The following ARHGEF10L variants were observed in gnomAD, a reference collection of about 807,000 sequenced individuals.
The protein encoded by ARHGEF10L is Rho guanine nucleotide exchange factor 10 like.
ARHGEF10L carries 69 observed loss-of-function variants against 141.2 expected under a neutral mutation model. That is an observed-to-expected ratio of 0.49 (90% CI 0.40 to 0.60). The LOEUF is 0.60. Ranked by LOEUF, ARHGEF10L falls within the 20% of genes least tolerant of loss-of-function variation. The pLI, the probability that ARHGEF10L is intolerant of heterozygous loss-of-function variation, is 0.00. For missense variants in ARHGEF10L, 1,482 were observed against 1,734.3 expected, an observed-to-expected ratio of 0.85 and a Z score of 2.58; for synonymous variants, 711 against 718.5, an observed-to-expected ratio of 0.99 and a Z score of 0.17.
At chr1:17,664,158 T>C (rs978085516) in intron 25 of ARHGEF10L, among the ~76,000 whole-genome samples, 2 of 150,798 alleles carry the variant, frequency 1.3e-5, no homozygotes, top group African/African-American at 4.9e-5. Flanking sequence ...AATGAATGAA[T>C]GGGAGAGAGG....
chr1:17,594,556 C>T (rs2079894744), intron 4 of ARHGEF10L, among the ~76,000 whole-genome samples: 1 of 152,182 alleles, frequency 6.6e-6, no homozygotes, highest in African/African-American at 2.4e-5. Context: ...TGGCTCACTC[C>T]AACCTCTGCT....
chr1:17,515,809 A>C, the ARHGEF10L span, among the ~76,000 whole-genome samples: 1 of 151,982 alleles, frequency 6.6e-6, no homozygotes, highest in African/African-American at 2.4e-5. Flanking sequence ...TGCCTGGCTA[A>C]CTTTTGCACT....
chr1:17,567,362 A>G (rs1452579001), intron 1 of ARHGEF10L, among the ~76,000 whole-genome samples: 1 of 152,054 alleles, frequency 6.6e-6, no homozygotes, highest in African/African-American at 2.4e-5. Flanking sequence ...TGCTGTCCCT[A>G]AATTGAGCAG....
intron 6 of ARHGEF10L, among the ~76,000 whole-genome samples, chr1:17,606,820 C>T (rs540717579): frequency 2.0e-5 from 3 of 152,274 alleles, no homozygotes; most frequent in Admixed American, 2.0e-4. Flanking sequence ...GGGCTGGGAC[C>T]CTGTGTTCCG....
chr1:17,586,006 G>C (rs1288743101), intron 2 of ARHGEF10L, among the ~76,000 whole-genome samples: 2 of 152,222 alleles, frequency 1.3e-5, no homozygotes, highest in African/African-American at 4.8e-5. Flanking sequence ...CCTCCAGGGG[G>C]ACATATGGCA....
intron 26 of ARHGEF10L, among the ~76,000 whole-genome samples, chr1:17,678,641 A>T (rs1461447757): frequency 6.6e-6 from 1 of 151,704 alleles, no homozygotes; most frequent in African/African-American, 2.4e-5. Flanking sequence ...CTGGTTTTGA[A>T]CCCCTGACCT....
chr1:17,565,299 A>C (rs1319185644), intron 1 of ARHGEF10L, among the ~76,000 whole-genome samples: 1 of 152,198 alleles, frequency 6.6e-6, no homozygotes, highest in African/African-American at 2.4e-5. Context: ...TAGGAATTTT[A>C]GGGGGATAAA....
chr1:17,586,283 G>T (rs2079017703), intron 2 of ARHGEF10L, among the ~76,000 whole-genome samples: 1 of 152,238 alleles, frequency 6.6e-6, no homozygotes, highest in South Asian at 2.1e-4. Context: ...GAGAGGCAAA[G>T]TGACTTGCTC....
chr1:17,538,537 C>A (rs1553167484), upstream of ARHGEF10L, among the ~76,000 whole-genome samples: 2 of 152,030 alleles, frequency 1.3e-5, no homozygotes, highest in East Asian at 3.9e-4. Flanking sequence ...GATTTCAGTG[C>A]GTGGCCTGTG....
Position 17,637,992 on chromosome 1 carries a change from G to A in ARHGEF10L, c.2032G>A (p.Gly678Ser), listed in dbSNP as rs1355345589. 5 of 1,587,714 alleles carry A rather than the reference G, an allele frequency of 3.1e-6. No individual in the cohort carries two copies. The highest frequency in any genetic ancestry group is 2.3e-5 in the East Asian group (1 of 43,780). ...CACGCTTCTCATCAGCACGCTGCAC[G>A]GCACCTACCAGGTACGTGGCCTGGC... ...QITLLISTLHGTYQNLNMTVA... is the reference protein window; with the variant it reads ...QITLLISTLHSTYQNLNMTVA... The change falls in exon 19 of 29, where the codon GGC becomes AGC. Residue 678 changes from glycine to serine, a missense_variant. Around this residue, in one of 3 missense-constraint regions of ARHGEF10L, gnomAD observed 858 missense variants for 966.3 expected, o/e 0.89. Transcript: ENST00000361221.
intron 9 of ARHGEF10L, among the ~76,000 whole-genome samples, chr1:17,617,082 T>G (rs2059849385): frequency 1.3e-5 from 2 of 152,176 alleles, no homozygotes; most frequent in South Asian, 4.2e-4. Context: ...CTGGAAGGGA[T>G]AGAGGAGGCC....
At position 17,593,832 on chromosome 1, in the gene ARHGEF10L, G is replaced by A. The variant is rs72648435; in HGVS notation, c.257+5353G>A. ...ACAGCCCTGGAAAGAGGAAATTATCGTGGGCACCATTTTGCAGACCAGACC... is the reference window on the plus strand; with the variant it reads ...ACAGCCCTGGAAAGAGGAAATTATCATGGGCACCATTTTGCAGACCAGACC... On this transcript the variant is annotated intron_variant, in intron 4 of 28. Transcript: ENST00000361221. 7.0e-4 allele frequency among the ~76,000 whole-genome samples: 107 copies of A among 152,044 alleles called. 1 individual carries two copies. The highest frequency in any genetic ancestry group is 2.1e-3 in the African/African-American group (86 of 41,442).
chr1:17,667,911 G>T (rs965638207), intron 26 of ARHGEF10L, among the ~76,000 whole-genome samples: 34 of 152,190 alleles, frequency 2.2e-4, no homozygotes, highest in African/African-American at 8.2e-4. Flanking sequence ...CGGGCAGCTG[G>T]CACCCTACCC....
intron 27 of ARHGEF10L, chr1:17,694,393 G>A (rs372409588): frequency 3.8e-5 from 6 of 158,338 alleles, no homozygotes; most frequent in African/African-American, 1.2e-4. Flanking sequence ...TGGCTCTGGA[G>A]CCCTGTTCTC....
chr1:17,565,372 C>G (rs1178650820), intron 1 of ARHGEF10L, among the ~76,000 whole-genome samples: 1 of 152,216 alleles, frequency 6.6e-6, no homozygotes, highest in African/African-American at 2.4e-5. Flanking sequence ...TACCTTCTTC[C>G]CTTCTCCCTC....
At chr1:17,635,519 T>C (rs1105150) in intron 18 of ARHGEF10L, among the ~76,000 whole-genome samples, 36,023 of 152,194 alleles carry the variant, frequency 0.24, 5,715 homozygotes, top group African/African-American at 0.45. Context: ...GGATGGGCCA[T>C]GCTCCCTCCC....
upstream of ARHGEF10L, among the ~76,000 whole-genome samples, chr1:17,538,997 A>C (rs2076625119): frequency 6.6e-6 from 1 of 152,194 alleles, no homozygotes; most frequent in African/African-American, 2.4e-5. Context: ...GCAGCTTTGG[A>C]GCTGCAAAGG....
rs746757323 is a variant in ARHGEF10L, at chr1:17,664,846, G to A, written c.3009+251G>A. Among the ~76,000 whole-genome samples the A allele has an allele frequency of 1.1e-3, 170 of 152,344 alleles. 2 individuals are homozygous for A. The highest frequency in any genetic ancestry group is 2.1e-3 in the Non-Finnish European group (145 of 68,028). ...TGCACTGTGGCCTGGATCCTGAGTT[G>A]TGTCGGTTGCTGCCTGTGGAAGTGG... On this transcript the variant is annotated intron_variant, in intron 26 of 28. Transcript: ENST00000361221.
chr1:17,587,699 T>A, intron 3 of ARHGEF10L, 54 bp downstream of exon 3: 2 of 1,531,278 alleles, frequency 1.3e-6, no homozygotes, highest in Non-Finnish European at 1.8e-6. Flanking sequence ...CATGGAGAAC[T>A]GGGCGGAAGC....
Sources: allele counts gnomAD v4.1 joint callset (sites outside exome capture counted in the v4.1 genomes callset), GRCh38; gene constraint gnomAD v4.1.1; regional missense constraint gnomAD v4.1.1; transcripts MANE v1.5; gene names NCBI Gene and HGNC (gene_info 2026-07-23, HGNC 2026-07-21).